The following MEI1 variants were observed in gnomAD, a reference collection of about 807,000 sequenced individuals.
MEI1 encodes meiotic double-stranded break formation protein 1, also known as meiosis inhibitor protein 1.
Under a neutral mutation model 146.2 loss-of-function variants are expected in MEI1, and 103 were observed. The ratio of observed to expected loss-of-function variants is 0.70; its 90% CI spans 0.60 to 0.83. MEI1 has a LOEUF of 0.83. Among genes scored for constraint, MEI1 ranks in the 40% least tolerant of loss-of-function variants. MEI1 has a pLI of 0.00. For synonymous variants in MEI1, 652 were observed against 628.2 expected, an observed-to-expected ratio of 1.04 and a Z score of -0.57; for missense variants, 1,529 against 1,533.0, an observed-to-expected ratio of 1.00 and a Z score of 0.04.
intron 3 of MEI1, among the ~76,000 whole-genome samples, chr22:41,708,784 A>T (rs1422717136): frequency 6.6e-6 from 1 of 152,324 alleles, no homozygotes; most frequent in Non-Finnish European, 1.5e-5. Context: ...CATCACTGGA[A>T]AGTCTAGATT....
In MEI1 at chr22:41,725,635, A is replaced by G. The variant is rs2071265948; in HGVS notation, c.864+1562A>G. 3.3e-5 allele frequency among the ~76,000 whole-genome samples: 5 copies of G among 152,232 alleles called. 1 individual carries two copies. In the South Asian group the frequency reaches 1.0e-3, roughly 32 times the overall value. ...ATGCAGTCTTTCCCTGGTCCTGCAT[A>G]TGCTAGGTCATCCTGTCTCACTGCC... On this transcript the variant is annotated intron_variant, in intron 7 of 30. Coordinates refer to ENST00000401548, the MANE Select transcript of MEI1 (RefSeq NM_152513.4).
At position 41,795,870 on chromosome 22, in the gene MEI1, T is replaced by A. The variant is rs199699390; in HGVS notation, c.3779+23T>A. On this transcript the variant is annotated intron_variant, in intron 30 of 30. Transcript: ENST00000401548. This position sits in a 1 kb window ranked among gnomAD's most constrained non-coding sequence, Gnocchi z 4.2. ...GCTGTATCCTTTCTTGCATCTATGA[T>A]GAAGGAGATGCCAAATCACTGGGTG... is the stretch of plus-strand genomic sequence containing the variant. The A allele has an allele frequency of 7.4e-6, 12 of 1,613,152 alleles. No individual in the cohort carries two copies. The highest frequency in any genetic ancestry group is 1.0e-5 in the Non-Finnish European group (12 of 1,179,426).
intron 9 of MEI1, among the ~76,000 whole-genome samples, chr22:41,731,122 C>T (rs1412435865): frequency 2.9e-5 from 4 of 137,464 alleles, no homozygotes; most frequent in African/African-American, 1.1e-4. Context: ...GGCGTGATCT[C>T]GGCTCACTGC....
rs1262381468 is a variant in MEI1 at position 41,748,128 on chromosome 22, C to T, written c.1702C>T (p.His568Tyr). Reference protein sequence around the residue: ...MVMRHLEQTTHPALMEVFLSI... With the variant: ...MVMRHLEQTTYPALMEVFLSI... The stretch of plus-strand genomic sequence containing the variant: ...GCAGAGACACTTGGAGCAGACCACC[C>T]ACCCAGCTTTGATGGAAGTTTTCCT... Residue 568 changes from histidine to tyrosine, a missense_variant, in exon 15 of 31, where the codon CAC (histidine) becomes TAC (tyrosine). Coordinates refer to ENST00000401548, the MANE Select transcript of MEI1 (RefSeq NM_152513.4). The T allele has an allele frequency of 1.9e-6, 3 of 1,613,772 alleles. No homozygotes were observed. The highest frequency in any genetic ancestry group is 4.5e-5 in the East Asian group (2 of 44,878).
chr22:41,747,736 C>CCAAAAAAAA (rs1569240908), intron 14 of MEI1, among the ~76,000 whole-genome samples: 2 of 133,230 alleles, frequency 1.5e-5, no homozygotes, highest in Admixed American at 1.5e-4. Context: ...CCCACCCCCC[C>CCAAAAAAAA]AAAAAAAACA....
Position 41,748,179 on chromosome 22 carries a change from A to G in MEI1, c.1753A>G (p.Ile585Val), listed in dbSNP as rs1569241967. ...CTCAATTCTACATAACCTCTTTGTCATCGTTCCCCACATGAAGGAGAAGTT... is the reference window on the plus strand; with the variant it reads ...CTCAATTCTACATAACCTCTTTGTCGTCGTTCCCCACATGAAGGAGAAGTT... ...FLSILHNLFV[I>V]VPHMKEKFSK... The change falls in exon 15 of 31, where the codon ATC becomes GTC. Residue 585 changes from isoleucine to valine, a missense_variant. Ile to Val is a conservative substitution (Grantham distance 29). This residue lies in a region of MEI1 where 1,212 missense variants were observed against 1,178.9 expected (regional missense o/e 1.03). Coordinates refer to ENST00000401548, the MANE Select transcript of MEI1 (RefSeq NM_152513.4). 2 of 1,613,964 alleles carry G rather than the reference A, an allele frequency of 1.2e-6. No homozygotes were observed. Among genetic ancestry groups the G allele is most frequent in the East Asian group, 2.2e-5 (1 of 44,880 alleles).
rs997501769 is a variant in MEI1 at position 41,700,935 on chromosome 22, C to G, written c.174+1223C>G. 2.1e-5 allele frequency among the ~76,000 whole-genome samples: 3 copies of G among 144,072 alleles called. No individual in the cohort carries two copies. In the East Asian group the frequency reaches 6.2e-4, roughly 30 times the overall value. 94.5% of individuals were successfully genotyped at this position (144,072 alleles called of 152,430 possible). On this transcript the variant is annotated intron_variant, in intron 1 of 30. Transcript: ENST00000401548. ...CGTTCTCAAATATTTTGATTTCTTT[C>G]TTTCTTTTTTTTTTTTTTTTTGAGA...
At chr22:41,729,637 G>C in intron 7 of MEI1, 28 bp from the exon 8 acceptor site, 1 of 1,462,968 alleles carries the variant, frequency 6.8e-7, no homozygotes. Flanking sequence ...GGTGTGACTG[G>C]GGTACTTTTT....
intron 20 of MEI1, chr22:41,774,573 G>C (rs1301914964): frequency 2.6e-5 from 4 of 152,268 alleles, no homozygotes; most frequent in African/African-American, 9.6e-5. Context: ...GATGTTTTCT[G>C]AGTCTCTACA....
chr22:41,770,866 G>A lies in MEI1; in HGVS notation c.2449G>A (p.Asp817Asn). ...WEESSYEELD[D>N]VTSAGQPALP... is the part of the protein sequence containing the mutation. ...AGAGAGCAGCTATGAGGAACTGGAT[G>A]ATGTCACCTCTGCTGGGCAGCCCGC... is the stretch of plus-strand genomic sequence containing the variant. Residue 817 changes from aspartate (D) to asparagine (N), a missense_variant, in exon 20 of 31, where the codon GAT (aspartate) becomes AAT (asparagine). Around this residue, in one of 3 missense-constraint regions of MEI1, gnomAD observed 1,212 missense variants for 1,178.9 expected, o/e 1.03. Coordinates refer to ENST00000401548, the MANE Select transcript of MEI1 (RefSeq NM_152513.4). 1.9e-6 allele frequency: 3 copies of A among 1,614,030 alleles called. No individual in the cohort carries two copies. The highest frequency in any genetic ancestry group is 2.5e-6 in the Non-Finnish European group (3 of 1,179,908).
rs1177550364 is a variant in MEI1, at chr22:41,770,925, G to C, written c.2508G>C (p.Leu836Phe). 6.2e-7 allele frequency: 1 copy of C among 1,613,972 alleles called. No individual in the cohort carries two copies. Among genetic ancestry groups the C allele is most frequent in the Non-Finnish European group, 8.5e-7 (1 of 1,179,888 alleles). The change falls in exon 20 of 31, where the codon TTG (leucine) becomes TTC (phenylalanine). Residue 836 changes from leucine (L) to phenylalanine (F), a missense_variant. Coordinates refer to ENST00000401548, the MANE Select transcript of MEI1 (RefSeq NM_152513.4). ...LPASLVVLFQLLRSIPSILLI... is the reference protein window; with the variant it reads ...LPASLVVLFQFLRSIPSILLI... ...CCAGCTTAGTAGTCCTGTTCCAGTT[G>C]CTCAGAAGCATCCCCAGCATCCTGC...
In MEI1 at chr22:41,730,633, G is replaced by A. The variant is rs1300026584; in HGVS notation, c.1092G>A (p.Val364=). 2 of 1,609,324 alleles carry A rather than the reference G, an allele frequency of 1.2e-6. No individual in the cohort carries two copies. Among genetic ancestry groups the A allele is most frequent in the Middle Eastern group, 1.7e-4 (1 of 6,050 alleles). The change falls in exon 9 of 31, where the codon GTG becomes GTA. Residue 364 remains valine, a synonymous_variant. Transcript: ENST00000401548. The stretch of plus-strand genomic sequence containing the variant: ...TCTTTTTTTCCAAGTGCCACACGGT[G>A]TATGGTTGGTAGTAAGGGTCCTGTA... ...EPLFFSKCHT[V]YGIEAVVRSL...
intron 10 of MEI1, 55 bp downstream of exon 10, chr22:41,732,399 G>A: frequency 6.2e-7 from 1 of 1,613,618 alleles, no homozygotes; most frequent in East Asian, 2.2e-5. Flanking sequence ...AGAAGGAAAA[G>A]TGGGCTTTCA....
intron 18 of MEI1, among the ~76,000 whole-genome samples, 186 bp downstream of exon 18, chr22:41,758,719 C>G (rs972758288): frequency 5.9e-5 from 9 of 152,236 alleles, no homozygotes; most frequent in African/African-American, 2.2e-4. Context: ...TGGGTAGACA[C>G]TGTGCTGAGA....
At chr22:41,724,825 C>T (rs1482747976) in intron 7 of MEI1, among the ~76,000 whole-genome samples, 3 of 150,014 alleles carry the variant, frequency 2.0e-5, no homozygotes, top group Non-Finnish European at 1.5e-5. Context: ...TTTTAAGTGC[C>T]GAGGTCTTGC....
rs774542011 is a variant in MEI1 at position 41,781,304 on chromosome 22, T to A, written c.2836T>A (p.Cys946Ser). ...TGCAGTAAGCAAGCTGTGTGGGAAG[T>A]GCAGCCCCACTGACGTGGACATCCT... Reference protein sequence around the residue: ...LHQVSKLCGKCSPTDVDILQP... With the variant: ...LHQVSKLCGKSSPTDVDILQP... Residue 946 changes from cysteine to serine, a missense_variant, in exon 23 of 31, where the codon TGC becomes AGC. Physicochemically the swap from Cys to Ser is moderately radical, Grantham distance 112. Transcript: ENST00000401548. 1.2e-6 allele frequency: 2 copies of A among 1,612,476 alleles called. No individual in the cohort carries two copies.
intron 6 of MEI1, 144 bp from the exon 7 acceptor site, chr22:41,723,799 A>T: frequency 1.8e-6 from 2 of 1,090,990 alleles, no homozygotes; most frequent in East Asian, 5.2e-5. Flanking sequence ...TGCAAAAAGC[A>T]AATTGGTGCT....
intron 6 of MEI1, among the ~76,000 whole-genome samples, chr22:41,721,653 G>A (rs1285414830): frequency 6.6e-6 from 1 of 150,442 alleles, no homozygotes; most frequent in East Asian, 2.0e-4. Flanking sequence ...TTGGACTTCC[G>A]AAGTGCTGGG....
intron 14 of MEI1, 29 bp downstream of exon 14, chr22:41,746,055 G>C: frequency 6.5e-7 from 1 of 1,543,334 alleles, no homozygotes; most frequent in East Asian, 2.4e-5. Context: ...CGGGCAACAT[G>C]AAGCTTGGGG....
Sources: gnomAD v4.1 joint callset for allele counts (sites outside exome capture counted in the v4.1 genomes callset) on GRCh38, gnomAD v4.1.1 for gene constraint, gnomAD v4.1.1 regional missense constraint, Gnocchi (gnomAD v3.1) non-coding constraint, MANE v1.5 for transcripts, NCBI Gene and HGNC (gene_info 2026-07-23, HGNC 2026-07-21) for gene names.